The following USP45 variants were observed in gnomAD, a reference collection of about 807,000 sequenced individuals.
USP45 encodes the protein ubiquitin carboxyl-terminal hydrolase 45.
In USP45, 89 loss-of-function variants were observed where a neutral mutation model predicts 95.8. That is an observed-to-expected ratio of 0.93 (90% CI 0.78 to 1.11). The LOEUF (loss-of-function observed/expected upper bound fraction) is 1.11, where lower values mean the gene tolerates loss of function less well. Among genes scored for constraint, USP45 ranks in the 50% least tolerant of loss-of-function variants. The pLI, the probability that USP45 is intolerant of heterozygous loss-of-function variation, is 0.00. For synonymous variants in USP45, 281 were observed against 316.2 expected (o/e 0.89, Z 1.18); for missense variants, 898 against 942.5 (o/e 0.95, Z 0.62).
upstream of USP45, among the ~76,000 whole-genome samples, chr6:99,517,225 G>T (rs200491319): frequency 2.6e-5 from 1 of 38,210 alleles, no homozygotes; most frequent in Non-Finnish European, 7.9e-5. Flanking sequence ...ATATTACTCA[G>T]TAAGTATGTT....
chr6:99,504,992 T>C (rs560603788), intron 4 of USP45, among the ~76,000 whole-genome samples: 2 of 151,280 alleles, frequency 1.3e-5, no homozygotes, highest in South Asian at 4.2e-4. Flanking sequence ...CAACAACAAC[T>C]GAAGCTGGTT....
chr6:99,480,117 T>C (rs1792007656), intron 8 of USP45, among the ~76,000 whole-genome samples: 1 of 152,162 alleles, frequency 6.6e-6, no homozygotes, highest in South Asian at 2.1e-4. Context: ...AATGAACAAT[T>C]GGAAATTGAA....
At chr6:99,479,369 C>T (rs1303027896) in intron 8 of USP45, among the ~76,000 whole-genome samples, 2 of 151,768 alleles carry the variant, frequency 1.3e-5, no homozygotes, top group Non-Finnish European at 2.9e-5. Context: ...ACCATCACAC[C>T]TCTGGCTAAT....
At chr6:99,486,419 T>C (rs1793887887) in intron 7 of USP45, among the ~76,000 whole-genome samples, 1 of 152,114 alleles carries the variant, frequency 6.6e-6, no homozygotes, top group Non-Finnish European at 1.5e-5. Context: ...GGAAATCACA[T>C]TTAACAGGTC....
intron 4 of USP45, among the ~76,000 whole-genome samples, chr6:99,506,745 T>A (rs753458913): frequency 2.0e-5 from 3 of 152,174 alleles, no homozygotes; most frequent in Admixed American, 6.5e-5. Context: ...CTGAAAAGTT[T>A]TTACAAGCTA....
At chr6:99,479,220 CAA>C (rs1791695543) in intron 8 of USP45, among the ~76,000 whole-genome samples, 1 of 151,368 alleles carries the variant, frequency 6.6e-6, no homozygotes, top group African/African-American at 2.4e-5. Flanking sequence ...AAAACTTATC[CAA>C]TAGTATATTT....
chr6:99,454,594 G>T (rs183604344), intron 13 of USP45, among the ~76,000 whole-genome samples: 1 of 152,204 alleles, frequency 6.6e-6, no homozygotes, highest in Admixed American at 6.5e-5. Context: ...CATCCAAATG[G>T]CCAAGAGGTA....
At chr6:99,500,913 T>C (rs1022322175) in intron 5 of USP45, among the ~76,000 whole-genome samples, 1 of 152,204 alleles carries the variant, frequency 6.6e-6, no homozygotes, top group African/African-American at 2.4e-5. Flanking sequence ...ACCATTACTG[T>C]CTCATTAGGG....
chr6:99,445,105 T>C (rs1479394961), intron 14 of USP45, among the ~76,000 whole-genome samples: 1 of 152,202 alleles, frequency 6.6e-6, no homozygotes, highest in Non-Finnish European at 1.5e-5. Context: ...ATCTTCAAAA[T>C]TTATCTTACG....
chr6:99,473,769 A>AAC lies in USP45; in HGVS notation c.933+2373_933+2374insGT, dbSNP rs1341320357. Among the ~76,000 whole-genome samples, 7 of 9,166 alleles carry AAC rather than the reference A, an allele frequency of 7.6e-4. No individual in the cohort carries two copies. The East Asian group carries it at 0.046, about 60-fold the overall frequency. The allele number at this position is 9,166 out of a possible 152,430, so 6.0% of individuals were successfully genotyped here. A position where few individuals can be genotyped will look rare whatever the true frequency, so the allele number is the denominator to read the frequency against. On this transcript the variant is annotated intron_variant, in intron 9 of 17. Coordinates refer to ENST00000500704, the MANE Select transcript of USP45 (RefSeq NM_001346022.3). ...GACCCTGTCTCAAAAAAAAAACAAAAAAAACAAAACACACACACACACACA... is the reference window on the plus strand; with the variant it reads ...GACCCTGTCTCAAAAAAAAAACAAAAACAAAACAAAACACACACACACACACA...
At chr6:99,448,979 T>A (rs563479652) in intron 13 of USP45, among the ~76,000 whole-genome samples, 1 of 152,138 alleles carries the variant, frequency 6.6e-6, no homozygotes, top group Non-Finnish European at 1.5e-5. Flanking sequence ...TGCTGAGAGA[T>A]TGTGTCACCA....
rs188963339 is a variant in USP45, at chr6:99,492,952, C to A, written c.479-4132G>T. Among the ~76,000 whole-genome samples the A allele has an allele frequency of 7.7e-4, 117 of 152,214 alleles. 1 individual carries two copies. Among genetic ancestry groups the A allele is most frequent in the Non-Finnish European group, 1.5e-3 (99 of 68,014 alleles). On this transcript the variant is annotated intron_variant, in intron 5 of 17. Coordinates refer to ENST00000500704, the MANE Select transcript of USP45 (RefSeq NM_001346022.3). ...ATATGAACCACTATAACTGTTTACA[C>A]CTAATTTCTTATTTATGACTGGAGT...
intron 1 of USP45, among the ~76,000 whole-genome samples, chr6:99,512,354 T>G (rs957158604): frequency 5.9e-5 from 9 of 152,194 alleles, no homozygotes; most frequent in Admixed American, 4.6e-4. Context: ...CATAGAATAC[T>G]CTTTCGACAG....
intron 17 of USP45, among the ~76,000 whole-genome samples, chr6:99,436,781 C>T (rs1201167399): frequency 6.6e-6 from 1 of 152,028 alleles, no homozygotes. Context: ...ATTTTCTAGG[C>T]ACTCCTAGAG....
chr6:99,491,608 T>C (rs1381414415), intron 5 of USP45, among the ~76,000 whole-genome samples: 2 of 152,220 alleles, frequency 1.3e-5, no homozygotes, highest in Non-Finnish European at 2.9e-5. Flanking sequence ...AATGATAATC[T>C]TCTGATTATA....
At chr6:99,513,781 C>A (rs1170809823) in intron 1 of USP45, among the ~76,000 whole-genome samples, 1 of 152,098 alleles carries the variant, frequency 6.6e-6, no homozygotes, top group Non-Finnish European at 1.5e-5. Context: ...ACCCAGAATT[C>A]GGCAATTATT....
Position 99,482,769 on chromosome 6 carries a change from T to C in USP45, c.829A>G (p.Asn277Asp), listed in dbSNP as rs1235050969. 5 of 1,602,044 alleles carry C rather than the reference T, an allele frequency of 3.1e-6. No individual in the cohort carries two copies. The highest frequency in any genetic ancestry group is 4.3e-6 in the Non-Finnish European group (5 of 1,174,418). The part of the protein sequence containing the change: ...KGPLSPKVLF[N>D]QLCQKAPRFK... Reference sequence around the variant, plus strand: ...TGCACCCACTTCTGACAAAGCTGATTAAAAAGAACTTTAGGAGAAAGTGGT... The same window carrying C: ...TGCACCCACTTCTGACAAAGCTGATCAAAAAGAACTTTAGGAGAAAGTGGT... The change falls in exon 8 of 18, where the codon AAT becomes GAT. Residue 277 changes from asparagine to aspartate, a missense_variant. Asn to Asp is a conservative substitution (Grantham distance 23, BLOSUM62 1). Transcript: ENST00000500704.
chr6:99,484,004 G>GCTTTTTTTTT (rs1554246518), intron 7 of USP45, among the ~76,000 whole-genome samples: 2 of 91,464 alleles, frequency 2.2e-5, no homozygotes, highest in Non-Finnish European at 3.9e-5. Flanking sequence ...ATTTTCCATA[G>GCTTTTTTTTT]TTTTTTTTTT....
At chr6:99,484,810 TTTCTC>T (rs1793456897) in intron 7 of USP45, among the ~76,000 whole-genome samples, 2 of 151,712 alleles carry the variant, frequency 1.3e-5, no homozygotes. Context: ...AAAAAAGTGT[TTTCTC>T]TTCTGCTGTA....
Sources: allele counts gnomAD v4.1 joint callset (sites outside exome capture counted in the v4.1 genomes callset), GRCh38; gene constraint gnomAD v4.1.1; transcripts MANE v1.5; gene names NCBI Gene and HGNC (gene_info 2026-07-23, HGNC 2026-07-21).